Variants in IFT56 observed in about 807,000 individuals in gnomAD.
IFT56 encodes intraflagellar transport protein 56.
the IFT56 span, among the ~76,000 whole-genome samples, chr7:139,138,523 T>C: frequency 5.8e-3 from 879 of 152,310 alleles, 15 homozygotes; most frequent in African/African-American, 0.021. Context: ...TGTACATGTA[T>C]CTTGTGTACG....
At chr7:139,185,121 A>C in the IFT56 span, among the ~76,000 whole-genome samples, 1 of 151,528 alleles carries the variant, frequency 6.6e-6, no homozygotes, top group Non-Finnish European at 1.5e-5. Flanking sequence ...GAATCACTTG[A>C]GCCCAGAAGT....
chr7:139,178,259 T>G, the IFT56 span: 1 of 1,614,110 alleles, frequency 6.2e-7, no homozygotes, highest in Admixed American at 1.7e-5. Context: ...TTCTTCCTGC[T>G]TAAGCAATTT....
chr7:139,134,680 T>C, the IFT56 span: 15 of 1,612,334 alleles, frequency 9.3e-6, no homozygotes, highest in African/African-American at 2.0e-4. Flanking sequence ...AAACCTGCTG[T>C]AGGCAGAGGC....
the IFT56 span, among the ~76,000 whole-genome samples, chr7:139,185,250 C>A: frequency 6.6e-6 from 1 of 151,774 alleles, no homozygotes; most frequent in South Asian, 2.1e-4. Flanking sequence ...GCTGTGGTTA[C>A]GTGAATCTAC....
chr7:139,170,385 A>C, the IFT56 span, among the ~76,000 whole-genome samples: 1 of 152,204 alleles, frequency 6.6e-6, no homozygotes, highest in African/African-American at 2.4e-5. Context: ...CTGATAACAA[A>C]ACCAAAGGCA....
At chr7:139,184,327 T>C in the IFT56 span, among the ~76,000 whole-genome samples, 2 of 152,144 alleles carry the variant, frequency 1.3e-5, no homozygotes, top group African/African-American at 4.8e-5. Context: ...CAAACTTTGG[T>C]TGGGAGTCCC....
chr7:139,134,931 T>G, the IFT56 span: 1 of 859,572 alleles, frequency 1.2e-6, no homozygotes, highest in Non-Finnish European at 1.7e-6. Flanking sequence ...GTAAATCTAG[T>G]CAGGCACAGA....
chr7:139,139,961 C>G, the IFT56 span: 3 of 1,612,344 alleles, frequency 1.9e-6, no homozygotes, highest in East Asian at 6.7e-5. Flanking sequence ...GCACCTACTT[C>G]TTTCTTGGGA....
the IFT56 span, among the ~76,000 whole-genome samples, chr7:139,176,159 T>G: frequency 7.3e-4 from 111 of 152,190 alleles, no homozygotes; most frequent in African/African-American, 2.6e-3. Context: ...TGACTACAGT[T>G]AAGAATATAA....
the IFT56 span, among the ~76,000 whole-genome samples, chr7:139,142,683 T>C: frequency 6.6e-6 from 1 of 152,112 alleles, no homozygotes; most frequent in African/African-American, 2.4e-5. Flanking sequence ...ACAAAAAAAA[T>C]TAGCTGGGCT....
chr7:139,158,004 A>C, the IFT56 span, among the ~76,000 whole-genome samples: 2 of 152,098 alleles, frequency 1.3e-5, no homozygotes, highest in Non-Finnish European at 2.9e-5. Context: ...AGGAGTATGC[A>C]ACAGAATCTA....
chr7:139,148,104 G>T, the IFT56 span: 1 of 1,033,740 alleles, frequency 9.7e-7, no homozygotes, highest in Non-Finnish European at 1.4e-6. Flanking sequence ...TCATAAGGCA[G>T]GTTCATGAAC....
chr7:139,172,794 G>A, the IFT56 span: 1 of 643,960 alleles, frequency 1.6e-6, no homozygotes, highest in Non-Finnish European at 3.0e-6. Flanking sequence ...TTCAGGACAG[G>A]ACCTCGTTCA....
the IFT56 span, chr7:139,161,032 G>A: frequency 4.2e-5 from 67 of 1,611,872 alleles, no homozygotes; most frequent in African/African-American, 2.8e-4. Flanking sequence ...GGTGAATAAC[G>A]ATTTCCCGTC....
the IFT56 span, chr7:139,168,386 G>A: frequency 2.7e-5 from 44 of 1,611,722 alleles, no homozygotes; most frequent in Non-Finnish European, 3.7e-5. Flanking sequence ...CCTTGGCCAG[G>A]AAATGGGTTC....
the IFT56 span, among the ~76,000 whole-genome samples, chr7:139,163,715 G>C: frequency 2.2e-4 from 34 of 152,278 alleles, no homozygotes; most frequent in African/African-American, 7.7e-4. Context: ...AGTAGGACCA[G>C]GGCTTTGGGA....
chr7:139,174,787 G>A, the IFT56 span, among the ~76,000 whole-genome samples: 2 of 152,168 alleles, frequency 1.3e-5, no homozygotes, highest in Non-Finnish European at 2.9e-5. Context: ...TTGGGAGGCT[G>A]AGGCGGGTGG....
chr7:139,157,499 T>TC, the IFT56 span, among the ~76,000 whole-genome samples: 1 of 145,588 alleles, frequency 6.9e-6, no homozygotes, highest in Admixed American at 6.8e-5. Flanking sequence ...TATTGGATTT[T>TC]TTTTTTTTTT....
At chr7:139,186,939 A>G in the IFT56 span, among the ~76,000 whole-genome samples, 3 of 149,110 alleles carry the variant, frequency 2.0e-5, no homozygotes, top group African/African-American at 7.6e-5. Flanking sequence ...CTAAAAATAC[A>G]AAAAATTAGC....
Sources: gnomAD v4.1 joint callset for allele counts (sites outside exome capture counted in the v4.1 genomes callset) on GRCh38, gnomAD v4.1.1 for gene constraint, MANE v1.5 for transcripts, NCBI Gene and HGNC (gene_info 2026-07-23, HGNC 2026-07-21) for gene names.